Variants in SUGCT observed in about 807,000 individuals in gnomAD.
SUGCT encodes the protein succinyl-CoA:glutarate-CoA transferase.
SUGCT carries 41 observed loss-of-function variants against 55.0 expected under a neutral mutation model. That is an observed-to-expected ratio of 0.74 (90% confidence interval 0.58 to 0.97). The LOEUF is 0.97. Among genes scored for constraint, SUGCT ranks in the 50% least tolerant of loss-of-function variants. SUGCT has a pLI of 0.00. For missense variants in SUGCT, 568 were observed against 547.8 expected, an observed-to-expected ratio of 1.04 and a Z score of -0.37; for synonymous variants, 187 against 200.4, an observed-to-expected ratio of 0.93 and a Z score of 0.56.
chr7:40,611,433 C>A (rs1039467554), intron 12 of SUGCT, among the ~76,000 whole-genome samples: 1 of 152,136 alleles, frequency 6.6e-6, no homozygotes, highest in Non-Finnish European at 1.5e-5. Flanking sequence ...GAAAGAGGAA[C>A]AAAACATACT....
intron 12 of SUGCT, among the ~76,000 whole-genome samples, chr7:40,633,082 A>G (rs1167065284): frequency 3.9e-5 from 6 of 152,150 alleles, no homozygotes; most frequent in Non-Finnish European, 8.8e-5. Flanking sequence ...AGAGAGAGAG[A>G]AGAGAATTGA....
chr7:40,261,615 A>G (rs911432075), intron 7 of SUGCT, among the ~76,000 whole-genome samples: 1 of 152,192 alleles, frequency 6.6e-6, no homozygotes, highest in Non-Finnish European at 1.5e-5. Flanking sequence ...CTCTGGAGAT[A>G]CTTAAAGAGA....
the SUGCT span, among the ~76,000 whole-genome samples, chr7:40,987,343 C>G: frequency 6.6e-6 from 1 of 152,134 alleles, no homozygotes; most frequent in African/African-American, 2.4e-5. Context: ...TGAGAATGAT[C>G]AGGAGACACC....
chr7:40,605,264 G>A (rs1342375183), intron 12 of SUGCT, among the ~76,000 whole-genome samples: 6 of 152,196 alleles, frequency 3.9e-5, no homozygotes, highest in Non-Finnish European at 7.3e-5. Flanking sequence ...TTTCATCGTG[G>A]AATGGGGCTT....
Position 40,830,594 on chromosome 7 carries a change from T to A in SUGCT, c.1154-29722T>A, listed in dbSNP as rs977376769. Among the ~76,000 whole-genome samples the A allele has an allele frequency of 5.3e-5, 8 of 152,146 alleles. No individual in the cohort carries two copies. In the East Asian group the frequency reaches 1.5e-3, roughly 29 times the overall value. On this transcript the variant is annotated intron_variant, in intron 13 of 13. Transcript: ENST00000335693. ...TATTCAGAGAAACTTCCCTGATCAC[T>A]CCATCTAACAGAACAGGCCTGCCTT... is the stretch of plus-strand genomic sequence containing the variant.
intron 12 of SUGCT, among the ~76,000 whole-genome samples, chr7:40,622,430 C>T (rs1013168703): frequency 6.6e-6 from 1 of 151,988 alleles, no homozygotes; most frequent in African/African-American, 2.4e-5. Context: ...AGTTACAAAC[C>T]CAAGGCTGCT....
intron 12 of SUGCT, among the ~76,000 whole-genome samples, chr7:40,569,517 T>C (rs1167390172): frequency 6.6e-6 from 1 of 152,168 alleles, no homozygotes; most frequent in Non-Finnish European, 1.5e-5. Context: ...TCACAAAATC[T>C]TGGTAGCTCT....
chr7:40,688,168 G>A (rs1784546252), intron 12 of SUGCT, among the ~76,000 whole-genome samples: 1 of 152,166 alleles, frequency 6.6e-6, no homozygotes, highest in Admixed American at 6.5e-5. Context: ...GGACTGCCAT[G>A]GCACAATCAG....
intron 13 of SUGCT, among the ~76,000 whole-genome samples, chr7:40,854,646 T>G (rs1478502164): frequency 6.6e-6 from 1 of 152,052 alleles, no homozygotes. Flanking sequence ...TAACAGTATG[T>G]CCCTTGAGAA....
intron 9 of SUGCT, among the ~76,000 whole-genome samples, chr7:40,358,996 A>G (rs1021326638): frequency 1.3e-5 from 2 of 152,190 alleles, no homozygotes; most frequent in Admixed American, 1.3e-4. Flanking sequence ...ATTTTACACT[A>G]TGTTTACAAA....
At chr7:40,777,804 A>T (rs918639770) in intron 13 of SUGCT, among the ~76,000 whole-genome samples, 1 of 152,138 alleles carries the variant, frequency 6.6e-6, no homozygotes, top group Admixed American at 6.5e-5. Flanking sequence ...GGATTGATTG[A>T]AAGTTTGTGC....
chr7:40,664,455 G>A (rs1391926333), intron 12 of SUGCT, among the ~76,000 whole-genome samples: 1 of 152,118 alleles, frequency 6.6e-6, no homozygotes, highest in African/African-American at 2.4e-5. Context: ...CATAATGCCA[G>A]GAGCATAACC....
chr7:40,481,437 CA>C lies in SUGCT; in HGVS notation c.987-14844del, dbSNP rs1035825082. Among the ~76,000 whole-genome samples the C allele has an allele frequency of 1.3e-4, 20 of 151,362 alleles. 1 individual carries two copies. Among genetic ancestry groups the C allele is most frequent in the Non-Finnish European group, 2.8e-4 (19 of 67,870 alleles). Reference sequence around the variant, plus strand: ...ATTATGTATATGATGTAGAATAAAGCAAATGAGAAATTGTGGGATATTCTAA... The same window carrying C: ...ATTATGTATATGATGTAGAATAAAGCAATGAGAAATTGTGGGATATTCTAA... On this transcript the variant is annotated intron_variant, in intron 11 of 13. Transcript: ENST00000335693.
At chr7:40,510,921 A>G (rs1792889994) in intron 12 of SUGCT, among the ~76,000 whole-genome samples, 1 of 152,138 alleles carries the variant, frequency 6.6e-6, no homozygotes, top group Admixed American at 6.6e-5. Flanking sequence ...CACCTGGGAA[A>G]CTTTTCCAAT....
At chr7:40,813,641 T>G (rs1791530821) in intron 13 of SUGCT, among the ~76,000 whole-genome samples, 1 of 152,280 alleles carries the variant, frequency 6.6e-6, no homozygotes, top group Non-Finnish European at 1.5e-5. Flanking sequence ...GGTCTCTTGA[T>G]GACAATAGAT....
At chr7:40,615,816 T>G (rs1423366163) in intron 12 of SUGCT, among the ~76,000 whole-genome samples, 1 of 152,234 alleles carries the variant, frequency 6.6e-6, no homozygotes, top group Non-Finnish European at 1.5e-5. Flanking sequence ...CTTCCCACCT[T>G]CTTCTGCTTC....
At chr7:40,986,606 T>C in the SUGCT span, among the ~76,000 whole-genome samples, 1 of 152,234 alleles carries the variant, frequency 6.6e-6, no homozygotes, top group Non-Finnish European at 1.5e-5. Context: ...TGACGTGTGC[T>C]GTAATTCTAA....
At position 40,206,793 on chromosome 7, in the gene SUGCT, A is replaced by G. The variant is rs112638786; in HGVS notation, c.484+11733A>G. 3.9e-3 allele frequency among the ~76,000 whole-genome samples: 596 copies of G among 152,346 alleles called. 8 individuals are homozygous for G. Among genetic ancestry groups the G allele is most frequent in the South Asian group, 0.018 (85 of 4,832 alleles). Reference sequence around the variant, plus strand: ...AAGTAATGACAAGAAAAGAAAATGTACATCTTCAGCACGGATGCAAGTTTT... The same window carrying G: ...AAGTAATGACAAGAAAAGAAAATGTGCATCTTCAGCACGGATGCAAGTTTT... On this transcript the variant is annotated intron_variant, in intron 6 of 13. Transcript: ENST00000335693.
At chr7:40,379,168 G>A (rs1280624094) in intron 9 of SUGCT, among the ~76,000 whole-genome samples, 1 of 152,198 alleles carries the variant, frequency 6.6e-6, no homozygotes, top group Admixed American at 6.5e-5. Flanking sequence ...GCAAGGAACT[G>A]AATCTGTCCT....
Sources: allele counts gnomAD v4.1 joint callset (sites outside exome capture counted in the v4.1 genomes callset), GRCh38; gene constraint gnomAD v4.1.1; transcripts MANE v1.5; gene names NCBI Gene and HGNC (gene_info 2026-07-23, HGNC 2026-07-21).